Variants in GALNT11 observed in about 807,000 individuals in gnomAD.
GALNT11 encodes UDP-GalNAc:polypeptide N-acetylgalactosaminyltransferase 11.
In GALNT11, 47 loss-of-function variants were observed where a neutral mutation model predicts 72.7. The ratio of observed to expected loss-of-function variants is 0.65; its 90% confidence interval spans 0.51 to 0.82. GALNT11 has a LOEUF of 0.82. GALNT11 is among the 40% of genes least tolerant of loss of function. The pLI, the probability that GALNT11 is intolerant of heterozygous loss-of-function variation, is 0.00. For synonymous variants in GALNT11, 270 were observed against 286.6 expected (o/e 0.94, Z 0.58); for missense variants, 677 against 778.4 (o/e 0.87, Z 1.55).
At chr7:152,096,718 A>G (rs1245994383) in intron 2 of GALNT11, among the ~76,000 whole-genome samples, 2 of 151,620 alleles carry the variant, frequency 1.3e-5, no homozygotes, top group Non-Finnish European at 2.9e-5. Flanking sequence ...CTGTCTCAAA[A>G]AAAAAAAAAA....
intron 8 of GALNT11, 33 bp downstream of exon 8, chr7:152,113,431 T>A: frequency 6.2e-7 from 1 of 1,608,816 alleles, no homozygotes. Flanking sequence ...GAAGGATGAA[T>A]GATAGGCCGG....
chr7:152,039,241 A>G (rs1357578565), intron 1 of GALNT11, among the ~76,000 whole-genome samples: 2 of 152,182 alleles, frequency 1.3e-5, no homozygotes, highest in Admixed American at 1.3e-4. Flanking sequence ...TCTGCAATGC[A>G]ATTTTCCTAA....
At chr7:152,091,157 C>T (rs899168893) in intron 1 of GALNT11, among the ~76,000 whole-genome samples, 1 of 151,810 alleles carries the variant, frequency 6.6e-6, no homozygotes, top group African/African-American at 2.4e-5. Flanking sequence ...AGCAATTTCT[C>T]CTGCCTCAGC....
chr7:152,081,516 C>A (rs181987435), intron 1 of GALNT11, among the ~76,000 whole-genome samples: 2 of 152,190 alleles, frequency 1.3e-5, no homozygotes, highest in Non-Finnish European at 2.9e-5. Flanking sequence ...ACAGTAGATG[C>A]TAACAGTCAC....
intron 9 of GALNT11, chr7:152,117,661 T>C: frequency 5.3e-6 from 2 of 376,592 alleles, no homozygotes; most frequent in Non-Finnish European, 9.6e-6. Context: ...ACAGAGGCCA[T>C]GGAAGTGTCA....
At chr7:152,105,199 A>G (rs775440662) in intron 4 of GALNT11, 46 bp from the exon 5 acceptor site, 1 of 1,580,468 alleles carries the variant, frequency 6.3e-7, no homozygotes, top group Non-Finnish European at 8.6e-7. Context: ...AAGTGTCTTT[A>G]TATATGTCTC....
intron 1 of GALNT11, among the ~76,000 whole-genome samples, chr7:152,033,451 A>T (rs1174594727): frequency 1.3e-5 from 2 of 152,122 alleles, no homozygotes; most frequent in Non-Finnish European, 2.9e-5. Context: ...TGCCAGGTTT[A>T]ATAATGCCTC....
intron 1 of GALNT11, among the ~76,000 whole-genome samples, chr7:152,081,660 A>G (rs2085332280): frequency 6.6e-6 from 1 of 152,194 alleles, no homozygotes; most frequent in African/African-American, 2.4e-5. Flanking sequence ...TGCAAAGATG[A>G]TGTCAGCTTC....
At chr7:152,032,804 GC>G (rs1180056918) in intron 1 of GALNT11, among the ~76,000 whole-genome samples, 1 of 152,140 alleles carries the variant, frequency 6.6e-6, no homozygotes, top group Non-Finnish European at 1.5e-5. Flanking sequence ...AATAGCTCCA[GC>G]TTTGGCTAAC....
chr7:152,094,266 C>G lies in GALNT11; in HGVS notation c.39C>G (p.Cys13Trp). The change falls in exon 2 of 12, where the codon TGC (cysteine) becomes TGG (tryptophan). Residue 13 changes from cysteine to tryptophan, a missense_variant. By Grantham distance (215) the Cys-to-Trp change is radical. Coordinates refer to ENST00000430044, the MANE Select transcript of GALNT11 (RefSeq NM_022087.4). The surrounding 1 kb of genome is among the most constrained non-coding windows in gnomAD (Gnocchi z 4.3). ...SVTVRYFCYGCLFTSATWTVL... is the reference protein window; with the variant it reads ...SVTVRYFCYGWLFTSATWTVL... ...CAGTTCGGTATTTCTGTTATGGGTG[C>G]CTTTTTACATCTGCGACCTGGACAG... 1 of 1,612,064 alleles carries G rather than the reference C, an allele frequency of 6.2e-7. No homozygotes were observed. The highest frequency in any genetic ancestry group is 8.5e-7 in the Non-Finnish European group (1 of 1,178,820).
At chr7:152,109,716 A>G (rs1475152583) in intron 6 of GALNT11, among the ~76,000 whole-genome samples, 1 of 152,198 alleles carries the variant, frequency 6.6e-6, no homozygotes, top group East Asian at 1.9e-4. Context: ...CAGACATGAT[A>G]TATGAAAAAT....
chr7:152,058,953 G>T (rs6959600), intron 1 of GALNT11, among the ~76,000 whole-genome samples: 91,387 of 152,052 alleles, frequency 0.6, 28,835 homozygotes, highest in African/African-American at 0.79. Flanking sequence ...CTGCAGTGAC[G>T]TACTCCACTG....
intron 1 of GALNT11, among the ~76,000 whole-genome samples, chr7:152,038,529 A>G (rs563115411): frequency 1.4e-4 from 22 of 152,322 alleles, no homozygotes; most frequent in African/African-American, 5.1e-4. Flanking sequence ...CAAGGCCATC[A>G]CGAGCATGTC....
intron 1 of GALNT11, among the ~76,000 whole-genome samples, chr7:152,051,934 C>G (rs2083426740): frequency 6.6e-6 from 1 of 152,088 alleles, no homozygotes. Context: ...CTATTTTTAA[C>G]TGTATAATTG....
intron 9 of GALNT11, chr7:152,118,375 G>T (rs770407796): frequency 2.3e-5 from 7 of 300,018 alleles, no homozygotes; most frequent in Non-Finnish European, 4.3e-5. Context: ...TTAGGGCAGG[G>T]ATGACATTTT....
chr7:152,085,815 G>A (rs549168433), intron 1 of GALNT11, among the ~76,000 whole-genome samples: 52 of 152,186 alleles, frequency 3.4e-4, no homozygotes, highest in African/African-American at 1.3e-3. Flanking sequence ...CTGGGTTCAA[G>A]CGATGCTCAG....
intron 3 of GALNT11, among the ~76,000 whole-genome samples, chr7:152,102,235 A>C (rs192869136): frequency 2.5e-4 from 38 of 152,280 alleles, no homozygotes; most frequent in Admixed American, 1.5e-3. Context: ...AAGAAAAAAA[A>C]CCCTGAAGTT....
chr7:152,026,512 A>G (rs2082021872), intron 1 of GALNT11, among the ~76,000 whole-genome samples: 1 of 152,262 alleles, frequency 6.6e-6, no homozygotes, highest in South Asian at 2.1e-4. Context: ...GTAAATTGAC[A>G]GCTTGTCTTC....
intron 1 of GALNT11, among the ~76,000 whole-genome samples, chr7:152,073,480 C>T (rs1469343832): frequency 6.6e-6 from 1 of 152,228 alleles, no homozygotes; most frequent in Non-Finnish European, 1.5e-5. Flanking sequence ...CAGGATTCCA[C>T]TCAAATTATG....
Sources: allele counts gnomAD v4.1 joint callset (sites outside exome capture counted in the v4.1 genomes callset), GRCh38; gene constraint gnomAD v4.1.1; non-coding constraint Gnocchi (gnomAD v3.1); transcripts MANE v1.5; gene names NCBI Gene and HGNC (gene_info 2026-07-23, HGNC 2026-07-21).